The following MACC1 variants were observed in gnomAD, a reference collection of about 807,000 sequenced individuals.
MACC1 encodes the protein MET transcriptional regulator MACC1, also known as metastasis-associated in colon cancer protein 1.
Under a neutral mutation model 70.7 loss-of-function variants are expected in MACC1, and 79 were observed. The ratio of observed to expected loss-of-function variants is 1.12; its 90% confidence interval spans 0.93 to 1.35. The LOEUF is 1.35. MACC1 is among the 40% of genes most tolerant of loss of function. MACC1 has a pLI of 0.00. For synonymous variants in MACC1, 361 were observed against 347.2 expected (o/e 1.04, Z -0.44); for missense variants, 1,106 against 978.1 (o/e 1.13, Z -1.74).
At chr7:20,142,218 A>C (rs1157750825) in intron 6 of MACC1, among the ~76,000 whole-genome samples, 2 of 152,164 alleles carry the variant, frequency 1.3e-5, no homozygotes, top group African/African-American at 4.8e-5. Flanking sequence ...CTTGGCATAT[A>C]ATTTTCACCA....
chr7:20,182,247 C>T (rs1016717206), intron 1 of MACC1, among the ~76,000 whole-genome samples: 7 of 151,436 alleles, frequency 4.6e-5, no homozygotes, highest in East Asian at 3.9e-4. Flanking sequence ...TGTTAAATGA[C>T]GAGTTAATGG....
At chr7:20,194,947 G>A (rs1231884406) in intron 1 of MACC1, among the ~76,000 whole-genome samples, 2 of 152,168 alleles carry the variant, frequency 1.3e-5, no homozygotes, top group African/African-American at 4.8e-5. Context: ...ATGAGATGTG[G>A]AATTTGCCTA....
At chr7:20,167,163 G>C (rs1256805260) in intron 2 of MACC1, among the ~76,000 whole-genome samples, 2 of 151,846 alleles carry the variant, frequency 1.3e-5, no homozygotes, top group African/African-American at 4.8e-5. Flanking sequence ...TAGAAAGTTG[G>C]CTCTACCATC....
chr7:20,156,127 C>A (rs1196151794), intron 5 of MACC1, among the ~76,000 whole-genome samples: 1 of 152,150 alleles, frequency 6.6e-6, no homozygotes, highest in Non-Finnish European at 1.5e-5. Flanking sequence ...GGGTTTGGAT[C>A]CCACAGTCTT....
intron 1 of MACC1, among the ~76,000 whole-genome samples, chr7:20,208,296 T>C (rs1782944126): frequency 6.6e-6 from 1 of 152,090 alleles, no homozygotes; most frequent in Middle Eastern, 3.4e-3. Context: ...CAGGCAGAGG[T>C]TGGAACAGTT....
chr7:20,187,242 G>C (rs1350059066), intron 1 of MACC1, among the ~76,000 whole-genome samples: 1 of 152,112 alleles, frequency 6.6e-6, no homozygotes, highest in African/African-American at 2.4e-5. Flanking sequence ...TTTACATAGA[G>C]AGGACAATAG....
intron 1 of MACC1, among the ~76,000 whole-genome samples, chr7:20,178,175 T>C (rs1782426049): frequency 6.6e-6 from 1 of 152,032 alleles, no homozygotes; most frequent in East Asian, 1.9e-4. Flanking sequence ...TTCTTACTAA[T>C]ACTCTAAAAC....
Position 20,141,137 on chromosome 7 carries a change from C to T in MACC1, c.2368G>A (p.Asp790Asn), listed in dbSNP as rs112281884. 1.2e-3 allele frequency: 1,926 copies of T among 1,600,782 alleles called. 25 individuals are homozygous for T. The African/African-American group carries it at 0.023, about 19-fold the overall frequency. ...AVEMMWKPAY[D>N]FLYTWSAHYG... ...TGAGCACTCCAGGTATACAGAAAAT[C>T]ATAGGCAGGTTTCCACATCATCTAT... The change falls in exon 7 of 7, where the codon GAT (aspartate) becomes AAT (asparagine). Residue 790 changes from aspartate (D) to asparagine (N), a missense_variant. Transcript: ENST00000400331.
chr7:20,161,832 A>G lies in MACC1; in HGVS notation c.31T>C (p.Ser11Pro), dbSNP rs1224151317. The change falls in exon 4 of 7, where the codon TCA becomes CCA. Residue 11 changes from serine (S) to proline (P), a missense_variant. Coordinates refer to ENST00000400331, the MANE Select transcript of MACC1 (RefSeq NM_182762.4). Reference protein sequence around the residue: MLITERKHFRSGRIAQSMSEA... With the variant: MLITERKHFRPGRIAQSMSEA... ...GACATACTTTGTGCAATTCTTCCTG[A>G]CCGAAAATGTTTTCTTTCAGTGATT... The G allele has an allele frequency of 1.2e-6, 2 of 1,612,370 alleles. No individual in the cohort carries two copies. Among genetic ancestry groups the G allele is most frequent in the Middle Eastern group, 3.3e-4 (2 of 6,050 alleles).
intron 1 of MACC1, among the ~76,000 whole-genome samples, chr7:20,173,096 A>G (rs969209564): frequency 6.6e-6 from 1 of 152,224 alleles, no homozygotes; most frequent in Non-Finnish European, 1.5e-5. Flanking sequence ...TTAAAAATAC[A>G]GATGCCCAGA....
chr7:20,162,290 C>T lies in MACC1; in HGVS notation c.-8-420G>A, dbSNP rs77039240. On this transcript the variant is annotated intron_variant, in intron 3 of 6. Coordinates refer to ENST00000400331, the MANE Select transcript of MACC1 (RefSeq NM_182762.4). The stretch of plus-strand genomic sequence containing the variant: ...CGATGCAGTTCCATGAAAAATTGCA[C>T]GTAAATGTGTATGTGTATTTGTTAC... Among the ~76,000 whole-genome samples, 428 of 152,078 alleles carry T rather than the reference C, an allele frequency of 2.8e-3. 1 individual carries two copies. The highest frequency in any genetic ancestry group is 9.2e-3 in the African/African-American group (380 of 41,524).
At chr7:20,199,787 T>C (rs1302867049) in intron 1 of MACC1, among the ~76,000 whole-genome samples, 1 of 152,210 alleles carries the variant, frequency 6.6e-6, no homozygotes, top group Non-Finnish European at 1.5e-5. Context: ...CTTTTTCTTG[T>C]TCTTAAAGTT....
chr7:20,194,279 G>T (rs3095214), intron 1 of MACC1, among the ~76,000 whole-genome samples: 56,456 of 151,978 alleles, frequency 0.37, 11,388 homozygotes, highest in East Asian at 0.82. Context: ...GCAATAAAAA[G>T]AAAAGAATTA....
chr7:20,184,747 TTTTC>T (rs1782559730), intron 1 of MACC1, among the ~76,000 whole-genome samples: 1 of 152,110 alleles, frequency 6.6e-6, no homozygotes, highest in African/African-American at 2.4e-5. Context: ...CTACAAAAAT[TTTTC>T]TTTGTGTAGG....
chr7:20,190,050 C>A (rs144592947), intron 1 of MACC1, among the ~76,000 whole-genome samples: 1 of 152,104 alleles, frequency 6.6e-6, no homozygotes, highest in Non-Finnish European at 1.5e-5. Context: ...GAGGGCCCCA[C>A]CTTCATGACC....
chr7:20,148,511 A>G (rs1046348207), intron 6 of MACC1, among the ~76,000 whole-genome samples: 1 of 152,238 alleles, frequency 6.6e-6, no homozygotes, highest in African/African-American at 2.4e-5. Context: ...CCTAAAGTCA[A>G]AATTAAATAG....
At chr7:20,154,512 T>C (rs1330390904) in intron 5 of MACC1, 131 bp from the exon 6 acceptor site, 2 of 936,346 alleles carry the variant, frequency 2.1e-6, no homozygotes, top group Non-Finnish European at 3.1e-6. Context: ...TCGAGTTTTC[T>C]AAAGCTCAAG....
chr7:20,181,868 C>T (rs947856564), intron 1 of MACC1, among the ~76,000 whole-genome samples: 1 of 152,008 alleles, frequency 6.6e-6, no homozygotes, highest in African/African-American at 2.4e-5. Context: ...GATGATACTC[C>T]TAACCAATTC....
intron 1 of MACC1, among the ~76,000 whole-genome samples, chr7:20,208,914 A>T (rs1392556054): frequency 6.6e-6 from 1 of 152,206 alleles, no homozygotes; most frequent in Non-Finnish European, 1.5e-5. Flanking sequence ...ACCTCCAGTC[A>T]TGGCTAAAAG....
Sources: gnomAD v4.1 joint callset for allele counts (sites outside exome capture counted in the v4.1 genomes callset) on GRCh38, gnomAD v4.1.1 for gene constraint, MANE v1.5 for transcripts, NCBI Gene and HGNC (gene_info 2026-07-23, HGNC 2026-07-21) for gene names.